NEK5: variants seen among roughly 807,000 people sequenced by gnomAD.
NEK5 encodes the protein NIMA related kinase 5, also known as serine/threonine-protein kinase Nek5.
NEK5 carries 88 observed loss-of-function variants against 109.2 expected under a neutral mutation model. The ratio of observed to expected loss-of-function variants is 0.81; its 90% CI spans 0.68 to 0.96. The LOEUF (loss-of-function observed/expected upper bound fraction) is 0.96. NEK5 is among the 40% of genes least tolerant of loss of function. NEK5 has a pLI of 0.00. For synonymous variants in NEK5, 283 were observed against 299.9 expected, an observed-to-expected ratio of 0.94 and a Z score of 0.58; for missense variants, 834 against 920.7, an observed-to-expected ratio of 0.91 and a Z score of 1.22.
chr13:52,087,427 T>A lies in NEK5; in HGVS notation c.1303A>T (p.Asn435Tyr). ...LGLRPSSAEP[N>Y]YNQRQELRSN... Reference sequence around the variant, plus strand: ...CTTAGCTCTTGTCTCTGGTTGTAATTTGGCTCGGCAGAAGATGGACGAAGA... The same window carrying A: ...CTTAGCTCTTGTCTCTGGTTGTAATATGGCTCGGCAGAAGATGGACGAAGA... Residue 435 changes from asparagine (N) to tyrosine (Y), a missense_variant, in exon 15 of 24, where the codon AAT (asparagine) becomes TAT (tyrosine). Transcript: ENST00000684899. 1 of 1,608,912 alleles carries A rather than the reference T, an allele frequency of 6.2e-7. No homozygotes were observed. The highest frequency in any genetic ancestry group is 8.5e-7 in the Non-Finnish European group (1 of 1,175,894).
rs531878574 is a variant in NEK5, at chr13:52,109,327, A to G, written c.468-923T>C. Among the ~76,000 whole-genome samples the G allele has an allele frequency of 2.0e-3, 310 of 152,322 alleles. 1 individual carries two copies. Among genetic ancestry groups the G allele is most frequent in the Non-Finnish European group, 3.7e-3 (251 of 68,022 alleles). ...TCAGGCACAGTTGACCAGCATTAAC[A>G]TTAAAACAGACCTTAAGACTGACAA... On this transcript the variant is annotated intron_variant, in intron 7 of 23. Transcript: ENST00000684899.
intron 5 of NEK5, 108 bp downstream of exon 5, chr13:52,112,160 C>A (rs1955770894): frequency 1.9e-6 from 1 of 529,390 alleles, no homozygotes; most frequent in Non-Finnish European, 3.3e-6. Flanking sequence ...ATCTGTCTAC[C>A]AAAACACATG....
chr13:52,065,387 G>A, intron 21 of NEK5, 97 bp downstream of exon 21: 3 of 1,516,026 alleles, frequency 2.0e-6, no homozygotes, highest in Non-Finnish European at 1.8e-6. Context: ...TCTATAGGGT[G>A]TATAGTGAGA....
chr13:52,086,375 A>T lies in NEK5; in HGVS notation c.1393-12T>A. 1 of 1,554,682 alleles carries T rather than the reference A, an allele frequency of 6.4e-7. No homozygotes were observed. Reference sequence around the variant, plus strand: ...TGCTTCCAATATTCCTGGAAAGCAAACCCAATCCAGAAACTTTAAATGTTT... The same window carrying T: ...TGCTTCCAATATTCCTGGAAAGCAATCCCAATCCAGAAACTTTAAATGTTT... On this transcript the variant is annotated splice_polypyrimidine_tract_variant and intron_variant, in intron 15 of 23. Coordinates refer to ENST00000684899, the MANE Select transcript of NEK5 (RefSeq NM_001365552.1).
At chr13:52,048,654 G>A (rs1351737527) in intron 23 of NEK5, among the ~76,000 whole-genome samples, 1 of 152,158 alleles carries the variant, frequency 6.6e-6, no homozygotes, top group African/African-American at 2.4e-5. Context: ...TTAAAAAGAA[G>A]GAAATTCTGG....
chr13:52,078,073 C>CAAAA (rs749297441), intron 17 of NEK5, among the ~76,000 whole-genome samples: 1 of 113,058 alleles, frequency 8.8e-6, no homozygotes. Flanking sequence ...AAACTTGTCT[C>CAAAA]AAAAAAAAAA....
At chr13:52,101,541 A>G (rs1359778726) in intron 11 of NEK5, among the ~76,000 whole-genome samples, 1 of 152,190 alleles carries the variant, frequency 6.6e-6, no homozygotes, top group Non-Finnish European at 1.5e-5. Flanking sequence ...TTTGCAACAG[A>G]ATTCTTAATT....
At position 52,108,434 on chromosome 13, in the gene NEK5, CA is replaced by C. The variant is rs1173955216; in HGVS notation, c.468-31del. On this transcript the variant is annotated intron_variant, in intron 7 of 23. Transcript: ENST00000684899. ...TAAATTATATTAAATAATAAATCAGCATGATTTTTTATTGGAGTAAGAAAAG... is the reference window on the plus strand; with the variant it reads ...TAAATTATATTAAATAATAAATCAGCTGATTTTTTATTGGAGTAAGAAAAG... 9.5e-6 allele frequency: 13 copies of C among 1,374,010 alleles called. 1 individual carries two copies. Among genetic ancestry groups the C allele is most frequent in the Middle Eastern group, 1.8e-4 (1 of 5,428 alleles). 85.1% of individuals were successfully genotyped at this position (1,374,010 alleles called of 1,614,324 possible).
intron 17 of NEK5, chr13:52,082,290 G>A (rs971068079): frequency 7.5e-6 from 6 of 799,002 alleles, no homozygotes; most frequent in Non-Finnish European, 1.0e-5. Flanking sequence ...ACTCCAGCCT[G>A]GGCAACAAGA....
intron 20 of NEK5, among the ~76,000 whole-genome samples, chr13:52,067,163 GTTC>G (rs973122814): frequency 6.6e-6 from 1 of 152,026 alleles, no homozygotes; most frequent in African/African-American, 2.4e-5. Context: ...CCACTTCACT[GTTC>G]TTCTTTTTCA....
At chr13:52,055,034 G>T (rs1241615065) in intron 22 of NEK5, among the ~76,000 whole-genome samples, 1 of 150,570 alleles carries the variant, frequency 6.6e-6, no homozygotes, top group African/African-American at 2.5e-5. Context: ...CAAAGGCAAA[G>T]AAGTTGAAAA....
chr13:52,046,099 C>T (rs2140899278), intron 23 of NEK5, among the ~76,000 whole-genome samples: 1 of 150,106 alleles, frequency 6.7e-6, no homozygotes, highest in South Asian at 2.1e-4. Flanking sequence ...GTTGGATCCA[C>T]ACTTTGTAGT....
At chr13:52,050,602 C>T (rs1216077080) in intron 22 of NEK5, among the ~76,000 whole-genome samples, 1 of 143,038 alleles carries the variant, frequency 7.0e-6, no homozygotes, top group Non-Finnish European at 1.5e-5. Context: ...AGCACACACA[C>T]ACCTTCATCT....
intron 12 of NEK5, among the ~76,000 whole-genome samples, chr13:52,095,791 G>A (rs942517925): frequency 2.6e-5 from 4 of 152,166 alleles, no homozygotes; most frequent in Admixed American, 6.5e-5. Context: ...AGGCTGAGAC[G>A]GTAGGATCAC....
intron 16 of NEK5, 101 bp from the exon 17 acceptor site, chr13:52,083,453 C>G: frequency 2.9e-6 from 2 of 701,032 alleles, no homozygotes; most frequent in Admixed American, 4.0e-5. Flanking sequence ...TGGACAGAAC[C>G]CTTTTTATAG....
In NEK5 at chr13:52,083,274, C is replaced by T. The variant is rs200160344; in HGVS notation, c.1558G>A (p.Glu520Lys). ...GCCATCATTACCTGCACAGGTGCTT[C>T]TCCCTCAGATGCATCTTGATGGACA... Reference protein sequence around the residue: ...LPVHQDASEGEAPVQDIEKDL... With the variant: ...LPVHQDASEGKAPVQDIEKDL... Residue 520 changes from glutamate (E) to lysine (K), a missense_variant, in exon 17 of 24, where the codon GAA becomes AAA. By Grantham distance (56) the Glu-to-Lys change is moderately conservative. Around this residue, in one of 2 missense-constraint regions of NEK5, gnomAD observed 777 missense variants for 824.7 expected, o/e 0.94. Coordinates refer to ENST00000684899, the MANE Select transcript of NEK5 (RefSeq NM_001365552.1). 2 of 1,610,472 alleles carry T rather than the reference C, an allele frequency of 1.2e-6. No individual in the cohort carries two copies. The highest frequency in any genetic ancestry group is 8.5e-7 in the Non-Finnish European group (1 of 1,176,666).
chr13:52,088,024 C>T (rs568644217), intron 14 of NEK5, among the ~76,000 whole-genome samples: 2 of 151,476 alleles, frequency 1.3e-5, no homozygotes, highest in East Asian at 1.9e-4. Context: ...GCCTCCCAAG[C>T]TTAAGCAATC....
At chr13:52,049,383 C>A (rs1954484603) in intron 23 of NEK5, among the ~76,000 whole-genome samples, 2 of 152,054 alleles carry the variant, frequency 1.3e-5, no homozygotes, top group Admixed American at 6.5e-5. Context: ...GTGATTGCGC[C>A]TCCACACTCC....
At chr13:52,044,071 G>A (rs1479332362) in intron 23 of NEK5, among the ~76,000 whole-genome samples, 1 of 152,200 alleles carries the variant, frequency 6.6e-6, no homozygotes, top group Middle Eastern at 3.2e-3. Flanking sequence ...AGCACGGCTA[G>A]AATGTAAGCA....
Sources: allele counts gnomAD v4.1 joint callset (sites outside exome capture counted in the v4.1 genomes callset), GRCh38; gene constraint gnomAD v4.1.1; regional missense constraint gnomAD v4.1.1; transcripts MANE v1.5; gene names NCBI Gene and HGNC (gene_info 2026-07-23, HGNC 2026-07-21).